Variants in GABARAPL1 observed in about 807,000 individuals in gnomAD.
GABARAPL1 encodes GABA type A receptor associated protein like 1, also known as gamma-aminobutyric acid receptor-associated protein-like 1.
A neutral mutation model predicts 14.5 loss-of-function variants in GABARAPL1; 4 were observed. The observed-to-expected ratio is 0.28, with a 90% confidence interval of 0.14 to 0.63. The LOEUF (loss-of-function observed/expected upper bound fraction) is 0.63, where lower values mean the gene tolerates loss of function less well. GABARAPL1 is among the 30% of genes least tolerant of loss of function. The pLI is 0.84. For missense variants in GABARAPL1, 82 were observed against 139.2 expected, an observed-to-expected ratio of 0.59 and a Z score of 2.07; for synonymous variants, 47 against 50.6, an observed-to-expected ratio of 0.93 and a Z score of 0.30.
chr12:10,221,062 T>C (rs560466061), intron 3 of GABARAPL1: 1 of 985,412 alleles, frequency 1.0e-6, no homozygotes, highest in Non-Finnish European at 1.2e-6. Context: ...GCTTCTTCTA[T>C]GAACTCTGAA....
chr12:10,221,181 T>C (rs1949118788), intron 3 of GABARAPL1: 4 of 975,650 alleles, frequency 4.1e-6, no homozygotes, highest in Middle Eastern at 5.3e-4. Flanking sequence ...ATGAATCAGA[T>C]AAAATGAAAT....
At chr12:10,219,328 A>AC (rs1182499890) in intron 2 of GABARAPL1, among the ~76,000 whole-genome samples, 3 of 102,222 alleles carry the variant, frequency 2.9e-5, no homozygotes, top group African/African-American at 8.9e-5. Context: ...CAAAAAAACA[A>AC]AAAACAAAAA....
chr12:10,213,084 A>G lies in GABARAPL1; in HGVS notation c.-46A>G, dbSNP rs1949066792. 2 of 1,196,740 alleles carry G rather than the reference A, an allele frequency of 1.7e-6. No homozygotes were observed. Among genetic ancestry groups the G allele is most frequent in the African/African-American group, 3.0e-5 (2 of 67,182 alleles). The allele number at this position is 1,196,740 out of a possible 1,614,324, so 74.1% of individuals were successfully genotyped here. A position where few individuals can be genotyped will look rare whatever the true frequency, so the allele number is the denominator to read the frequency against. ...GGGAGCGGGACAGGGTCAGCGGCGAAGGAGGCAGGCCCCGCGCGGGGATCT... is the reference window on the plus strand; with the variant it reads ...GGGAGCGGGACAGGGTCAGCGGCGAGGGAGGCAGGCCCCGCGCGGGGATCT... On this transcript the variant is annotated 5_prime_UTR_variant, in exon 1 of 4. Coordinates refer to ENST00000266458, the MANE Select transcript of GABARAPL1 (RefSeq NM_031412.4).
At position 10,218,068 on chromosome 12, in the gene GABARAPL1, T is replaced by C. The variant is rs1165697772; in HGVS notation, c.96T>C (p.Ile32=). The change falls in exon 2 of 4, where the codon ATT becomes ATC. Residue 32 remains isoleucine (I), a synonymous_variant. Coordinates refer to ENST00000266458, the MANE Select transcript of GABARAPL1 (RefSeq NM_031412.4). ...RKKYPDRVPV[I]VEKAPKARVP... ...CTCTCCTCCTCTTCTTCCAGGTGAT[T>C]GTAGAGAAGGCTCCAAAAGCCAGGG... The C allele has an allele frequency of 1.3e-6, 2 of 1,592,326 alleles. No homozygotes were observed. Among genetic ancestry groups the C allele is most frequent in the Non-Finnish European group, 1.7e-6 (2 of 1,160,212 alleles).
At chr12:10,219,296 G>A (rs1202488534) in intron 2 of GABARAPL1, among the ~76,000 whole-genome samples, 1 of 149,858 alleles carries the variant, frequency 6.7e-6, no homozygotes, top group Non-Finnish European at 1.5e-5. Flanking sequence ...TCCAGGCTGA[G>A]TGACACAGTG....
chr12:10,220,177 C>A (rs994124864), intron 2 of GABARAPL1, among the ~76,000 whole-genome samples: 1 of 152,106 alleles, frequency 6.6e-6, no homozygotes, highest in Non-Finnish European at 1.5e-5. Context: ...AGTGGATATG[C>A]TAACATGAGG....
intron 1 of GABARAPL1, chr12:10,214,094 G>A (rs1949074346): frequency 3.3e-6 from 1 of 302,070 alleles, no homozygotes; most frequent in African/African-American, 2.2e-5. Flanking sequence ...CGAATTGGAG[G>A]GCAGAATATG....
intron 2 of GABARAPL1, among the ~76,000 whole-genome samples, chr12:10,219,294 G>A (rs1592005628): frequency 6.7e-6 from 1 of 149,410 alleles, no homozygotes; most frequent in African/African-American, 2.5e-5. Context: ...ACTCCAGGCT[G>A]AGTGACACAG....
intron 2 of GABARAPL1, among the ~76,000 whole-genome samples, chr12:10,219,066 C>G (rs1949105824): frequency 6.6e-6 from 1 of 151,896 alleles, no homozygotes; most frequent in Admixed American, 6.5e-5. Flanking sequence ...CGCCTGTAAT[C>G]CCAGCACTTT....
intron 1 of GABARAPL1, among the ~76,000 whole-genome samples, chr12:10,216,766 C>G (rs1369908932): frequency 6.6e-6 from 1 of 151,952 alleles, no homozygotes; most frequent in Non-Finnish European, 1.5e-5. Flanking sequence ...TCTCGAACTC[C>G]CGACCTCAGA....
chr12:10,221,984 C>A lies in GABARAPL1; in HGVS notation c.*132C>A. On this transcript the variant is annotated 3_prime_UTR_variant, in exon 4 of 4. Coordinates refer to ENST00000266458, the MANE Select transcript of GABARAPL1 (RefSeq NM_031412.4). ...GGTGAAGACATCTAGAAACATTACACCACACACACCGTCATCACATTTTCA... is the reference window on the plus strand; with the variant it reads ...GGTGAAGACATCTAGAAACATTACAACACACACACCGTCATCACATTTTCA... 1 of 721,578 alleles carries A rather than the reference C, an allele frequency of 1.4e-6. No homozygotes were observed. 44.7% of individuals were successfully genotyped at this position (721,578 alleles called of 1,614,324 possible). A position where few individuals can be genotyped will look rare whatever the true frequency, so the allele number is the denominator to read the frequency against.
intron 2 of GABARAPL1, 38 bp from the exon 3 acceptor site, chr12:10,220,402 T>G: frequency 1.9e-6 from 3 of 1,611,096 alleles, no homozygotes; most frequent in Non-Finnish European, 2.5e-6. Context: ...CTTGTTTTCT[T>G]ACTTTCTTTT....
chr12:10,220,956 A>G (rs996645395), intron 3 of GABARAPL1: 2 of 1,270,930 alleles, frequency 1.6e-6, no homozygotes, highest in African/African-American at 1.5e-5. Context: ...TTTTACTCCC[A>G]TTTAGCAACA....
chr12:10,218,407 A>G (rs1949102354), intron 2 of GABARAPL1, among the ~76,000 whole-genome samples: 1 of 151,824 alleles, frequency 6.6e-6, no homozygotes, highest in Non-Finnish European at 1.5e-5. Flanking sequence ...CGTTTCTACT[A>G]AAAAAAATAC....
chr12:10,216,090 G>A (rs1419130089), intron 1 of GABARAPL1, among the ~76,000 whole-genome samples: 1 of 152,058 alleles, frequency 6.6e-6, no homozygotes, highest in African/African-American at 2.4e-5. Context: ...TTCTTTTCAA[G>A]CTGGGCACGG....
In GABARAPL1 at chr12:10,223,043, G is replaced by A. The variant is rs1949127695; in HGVS notation, c.*1191G>A. On this transcript the variant is annotated 3_prime_UTR_variant, in exon 4 of 4. Transcript: ENST00000266458. ...GTTCTTTCTCTTGGGGGAAATGTGTGTGTCAGTTCTGTCAGCTGCAAGTTC... is the reference window on the plus strand; with the variant it reads ...GTTCTTTCTCTTGGGGGAAATGTGTATGTCAGTTCTGTCAGCTGCAAGTTC... 6.6e-6 allele frequency: 1 copy of A among 152,632 alleles called. No individual in the cohort carries two copies. 9.5% of individuals were successfully genotyped at this position (152,632 alleles called of 1,614,324 possible). A position where few individuals can be genotyped will look rare whatever the true frequency, so the allele number is the denominator to read the frequency against.
intron 1 of GABARAPL1, among the ~76,000 whole-genome samples, chr12:10,215,662 C>A (rs1443780158): frequency 6.6e-6 from 1 of 152,128 alleles, no homozygotes; most frequent in Non-Finnish European, 1.5e-5. Flanking sequence ...TTATCACTTT[C>A]TTTATCTGTC....
intron 2 of GABARAPL1, among the ~76,000 whole-genome samples, chr12:10,219,793 C>T (rs977017328): frequency 4.6e-5 from 7 of 150,744 alleles, no homozygotes; most frequent in Admixed American, 4.6e-4. Flanking sequence ...CAGAGTAGAA[C>T]TCTGTCTCGG....
Position 10,221,964 on chromosome 12 carries a change from A to G in GABARAPL1, c.*112A>G. 5.8e-6 allele frequency: 5 copies of G among 859,666 alleles called. No homozygotes were observed. Among genetic ancestry groups the G allele is most frequent in the African/African-American group, 1.6e-5 (1 of 60,642 alleles). 53.3% of individuals were successfully genotyped at this position (859,666 alleles called of 1,614,324 possible). On this transcript the variant is annotated 3_prime_UTR_variant, in exon 4 of 4. Coordinates refer to ENST00000266458, the MANE Select transcript of GABARAPL1 (RefSeq NM_031412.4). Reference sequence around the variant, plus strand: ...CCCACCGCAAGGAGACAGAAGGTGAAGACATCTAGAAACATTACACCACAC... The same window carrying G: ...CCCACCGCAAGGAGACAGAAGGTGAGGACATCTAGAAACATTACACCACAC...
Sources: gnomAD v4.1 joint callset for allele counts (sites outside exome capture counted in the v4.1 genomes callset) on GRCh38, gnomAD v4.1.1 for gene constraint, MANE v1.5 for transcripts, NCBI Gene and HGNC (gene_info 2026-07-23, HGNC 2026-07-21) for gene names.